The following ZNF786 variants were observed in gnomAD, a reference collection of about 807,000 sequenced individuals.
The protein encoded by ZNF786 is zinc finger protein 786.
A neutral mutation model predicts 63.1 loss-of-function variants in ZNF786; 56 were observed. The observed-to-expected ratio is 0.89, with a 90% CI of 0.72 to 1.11. The LOEUF (loss-of-function observed/expected upper bound fraction) is 1.11, where lower values mean the gene tolerates loss of function less well. ZNF786 is among the 50% of genes least tolerant of loss of function. The pLI is 0.00. For missense variants in ZNF786, 1,213 were observed against 1,041.8 expected (o/e 1.16, Z -2.26); for synonymous variants, 485 against 406.9 (o/e 1.19, Z -2.31).
chr7:149,088,712 A>G (rs1468142391), intron 1 of ZNF786, among the ~76,000 whole-genome samples: 1 of 152,222 alleles, frequency 6.6e-6, no homozygotes, highest in Non-Finnish European at 1.5e-5. Context: ...CCTTTTAATG[A>G]AATAGAATGT....
In ZNF786 at chr7:149,070,212, G is replaced by GA. The variant is rs371253855; in HGVS notation, c.*210dup. 0.1 allele frequency: 41,292 copies of GA among 401,798 alleles called. 110 individuals carry two copies. Among genetic ancestry groups the GA allele is most frequent in the Non-Finnish European group, 0.11 (27,275 of 245,402 alleles). 24.9% of individuals were successfully genotyped at this position (401,798 alleles called of 1,614,324 possible). On this transcript the variant is annotated 3_prime_UTR_variant, in exon 4 of 4. Coordinates refer to ENST00000491431, the MANE Select transcript of ZNF786 (RefSeq NM_152411.4). ...GGTGACAGAGCAAAACTCCATCTTG[G>GA]AAAAAAAAAAAAAAAAGAAAGAAAT...
At position 149,071,167 on chromosome 7, in the gene ZNF786, C is replaced by G. The variant is rs749401265; in HGVS notation, c.1605G>C (p.Arg535Ser). Residue 535 changes from arginine to serine, a missense_variant, in exon 4 of 4, where the codon AGG (arginine) becomes AGC (serine). Arg to Ser is a moderately radical substitution (Grantham distance 110). Transcript: ENST00000491431. ...REHLRVHSGE[R>S]PFQCLKCDKR... is the part of the protein sequence containing the mutation. Reference sequence around the variant, plus strand: ...TGTCGCACTTCAGGCACTGGAAGGGCCTCTCCCCGCTGTGCACTCTCAGGT... The same window carrying G: ...TGTCGCACTTCAGGCACTGGAAGGGGCTCTCCCCGCTGTGCACTCTCAGGT... 1 of 1,611,274 alleles carries G rather than the reference C, an allele frequency of 6.2e-7. No homozygotes were observed. Among genetic ancestry groups the G allele is most frequent in the Admixed American group, 1.7e-5 (1 of 59,892 alleles).
intron 1 of ZNF786, chr7:149,081,335 C>A (rs1160281431): frequency 1.4e-5 from 5 of 349,232 alleles, no homozygotes; most frequent in Non-Finnish European, 2.2e-5. Context: ...ACTGGAAAGG[C>A]TGAGGCAGGA....
In ZNF786 at chr7:149,070,925, G is replaced by T; in HGVS notation, c.1847C>A (p.Thr616Lys). 6.2e-7 allele frequency: 1 copy of T among 1,612,444 alleles called. No homozygotes were observed. Among genetic ancestry groups the T allele is most frequent in the Non-Finnish European group, 8.5e-7 (1 of 1,179,740 alleles). ...CGGACACTGGAAGGGCCTCTCTCCC[G>T]TGTGCAGGCGCTGATGGCTGAGCAG... Reference protein sequence around the residue: ...GQLLSHQRLHTGERPFQCPEC... With the variant: ...GQLLSHQRLHKGERPFQCPEC... Residue 616 changes from threonine to lysine, a missense_variant, in exon 4 of 4, where the codon ACG becomes AAG. Transcript: ENST00000491431.
At position 149,070,431 on chromosome 7, in the gene ZNF786, A is replaced by T; in HGVS notation, c.2341T>A (p.Trp781Arg). ...SQLFAMIEAD[W>R]S ...GGATGTCCCACTCTGCCTCAACTCC[A>T]ATCGGCCTCTATCATTGCAAACAGT... The change falls in exon 4 of 4, where the codon TGG (tryptophan) becomes AGG (arginine). Residue 781 changes from tryptophan (W) to arginine (R), a missense_variant. Physicochemically the swap from Trp to Arg is moderately radical, Grantham distance 101. Transcript: ENST00000491431. The T allele has an allele frequency of 6.2e-7, 1 of 1,612,370 alleles. No homozygotes were observed. The highest frequency in any genetic ancestry group is 8.5e-7 in the Non-Finnish European group (1 of 1,178,624).
rs773179415 is a variant in ZNF786 at position 149,071,642 on chromosome 7, C to T, written c.1130G>A (p.Arg377His). ...GPCSCSECGERSPMSARLASP... is the reference protein window; with the variant it reads ...GPCSCSECGEHSPMSARLASP... ...GGCGAGCCTGGCGCTCATAGGGGAG[C>T]GCTCGCCACACTCCGAGCAGGAGCA... Residue 377 changes from arginine (R) to histidine (H), a missense_variant, in exon 4 of 4, where the codon CGC becomes CAC. Arg to His is a conservative substitution (Grantham distance 29). Transcript: ENST00000491431. 6 of 1,576,574 alleles carry T rather than the reference C, an allele frequency of 3.8e-6. No individual in the cohort carries two copies. The East Asian group carries it at 1.4e-4, about 37-fold the overall frequency.
chr7:149,076,840 T>C (rs758807861), intron 2 of ZNF786, among the ~76,000 whole-genome samples: 5 of 152,206 alleles, frequency 3.3e-5, no homozygotes, highest in Non-Finnish European at 5.9e-5. Context: ...ATTTGTTTGA[T>C]AGTCTTGATT....
At chr7:149,087,423 T>C (rs1246688357) in intron 1 of ZNF786, among the ~76,000 whole-genome samples, 3 of 152,306 alleles carry the variant, frequency 2.0e-5, no homozygotes, top group Admixed American at 2.0e-4. Flanking sequence ...ATTGTTATAA[T>C]GTGGGGAAGC....
intron 3 of ZNF786, among the ~76,000 whole-genome samples, chr7:149,073,273 C>T (rs1161949339): frequency 6.6e-6 from 1 of 152,118 alleles, no homozygotes; most frequent in Non-Finnish European, 1.5e-5. Flanking sequence ...CTTTAAGAAT[C>T]CAAAAATCTC....
At chr7:149,088,418 T>G (rs1825771481) in intron 1 of ZNF786, among the ~76,000 whole-genome samples, 1 of 152,236 alleles carries the variant, frequency 6.6e-6, no homozygotes, top group Non-Finnish European at 1.5e-5. Context: ...GTTTGAGTAT[T>G]GTATGTGTAA....
At chr7:149,081,184 T>C (rs1223468860) in intron 1 of ZNF786, 1 of 455,902 alleles carries the variant, frequency 2.2e-6, no homozygotes, top group Non-Finnish European at 4.4e-6. Context: ...ATGCCTGTAA[T>C]CCCAGCACTT....
At position 149,070,146 on chromosome 7, in the gene ZNF786, T is replaced by C. The variant is rs966981502; in HGVS notation, c.*277A>G. ...ATGTCCTTGTTTTATAATGCTGTCTTTTCCAATATAGCTGGGATCACGCCA... is the reference window on the plus strand; with the variant it reads ...ATGTCCTTGTTTTATAATGCTGTCTCTTCCAATATAGCTGGGATCACGCCA... On this transcript the variant is annotated 3_prime_UTR_variant, in exon 4 of 4. Coordinates refer to ENST00000491431, the MANE Select transcript of ZNF786 (RefSeq NM_152411.4). The C allele has an allele frequency of 2.5e-5, 7 of 277,276 alleles. No individual in the cohort carries two copies. The highest frequency in any genetic ancestry group is 6.2e-5 in the South Asian group (1 of 16,070). The allele number at this position is 277,276 out of a possible 1,614,324, so 17.2% of individuals were successfully genotyped here.
Position 149,072,330 on chromosome 7 carries a change from C to A in ZNF786, c.442G>T (p.Ala148Ser), listed in dbSNP as rs754386431. ...LGSPQRHDAR[A>S]PPPLACGPSE... ...GGGCCGCAGGCTAGTGGTGGAGGAG[C>A]CCTGGCGTCGTGTCTCTGTGGGCTC... Residue 148 changes from alanine (A) to serine (S), a missense_variant, in exon 4 of 4, where the codon GCT becomes TCT. Transcript: ENST00000491431. The A allele has an allele frequency of 6.2e-7, 1 of 1,613,744 alleles. No homozygotes were observed. Among genetic ancestry groups the A allele is most frequent in the Non-Finnish European group, 8.5e-7 (1 of 1,179,800 alleles).
chr7:149,085,416 A>T (rs1401398174), intron 1 of ZNF786, among the ~76,000 whole-genome samples: 1 of 152,236 alleles, frequency 6.6e-6, no homozygotes, highest in Non-Finnish European at 1.5e-5. Context: ...CAAAACAGTA[A>T]CAAAATGCAC....
Position 149,071,955 on chromosome 7 carries a change from C to T in ZNF786, c.817G>A (p.Gly273Ser), listed in dbSNP as rs556776294. The T allele has an allele frequency of 2.6e-5, 42 of 1,611,596 alleles. No individual in the cohort carries two copies. Among genetic ancestry groups the T allele is most frequent in the Middle Eastern group, 1.6e-4 (1 of 6,082 alleles). The change falls in exon 4 of 4, where the codon GGT becomes AGT. Residue 273 changes from glycine (G) to serine (S), a missense_variant. Coordinates refer to ENST00000491431, the MANE Select transcript of ZNF786 (RefSeq NM_152411.4). ...TGRGPFRNADGEMCFRHELTH... is the reference protein window; with the variant it reads ...TGRGPFRNADSEMCFRHELTH... ...AGCTCGTGTCGGAAGCACATTTCAC[C>T]GTCAGCGTTCCGGAAGGGGCCCCTC...
Position 149,072,092 on chromosome 7 carries a change from G to C in ZNF786, c.680C>G (p.Thr227Arg). The C allele has an allele frequency of 6.2e-7, 1 of 1,613,168 alleles. No homozygotes were observed. The highest frequency in any genetic ancestry group is 8.5e-7 in the Non-Finnish European group (1 of 1,179,654). The change falls in exon 4 of 4, where the codon ACG (threonine) becomes AGG (arginine). Residue 227 changes from threonine (T) to arginine (R), a missense_variant. Coordinates refer to ENST00000491431, the MANE Select transcript of ZNF786 (RefSeq NM_152411.4). ...AWEKFNKRAE[T>R]QMPWSSPRVQ... ...CCGAGGGCTGCTCCACGGCATCTGCGTCTCCGCCCTCTTGTTGAATTTCTC... is the reference window on the plus strand; with the variant it reads ...CCGAGGGCTGCTCCACGGCATCTGCCTCTCCGCCCTCTTGTTGAATTTCTC...
At chr7:149,073,724 C>CGCGTGTGTGT (rs1554452308) in intron 3 of ZNF786, among the ~76,000 whole-genome samples, 1 of 67,876 alleles carries the variant, frequency 1.5e-5, no homozygotes, top group East Asian at 8.6e-4. Flanking sequence ...TATATGTGTG[C>CGCGTGTGTGT]GTGTGTGTGT....
At chr7:149,077,409 T>C (rs1825571896) in intron 2 of ZNF786, among the ~76,000 whole-genome samples, 3 of 147,666 alleles carry the variant, frequency 2.0e-5, no homozygotes, top group Non-Finnish European at 3.0e-5. Context: ...GGGTGGATCA[T>C]GAGGTCAGCA....
At chr7:149,073,737 GTGTGTGTGTGTA>G (rs1408181603) in intron 3 of ZNF786, among the ~76,000 whole-genome samples, 7 of 67,798 alleles carry the variant, frequency 1.0e-4, no homozygotes, top group African/African-American at 4.4e-4. Flanking sequence ...GTGTGTGTGT[GTGTGTGTGTGTA>G]TATATATATA....
Sources: allele counts gnomAD v4.1 joint callset (sites outside exome capture counted in the v4.1 genomes callset), GRCh38; gene constraint gnomAD v4.1.1; transcripts MANE v1.5; gene names NCBI Gene and HGNC (gene_info 2026-07-23, HGNC 2026-07-21).